NIPBL: variants seen among roughly 807,000 people sequenced by gnomAD.
NIPBL encodes the protein nipped-B-like protein.
A neutral mutation model predicts 321.8 loss-of-function variants in NIPBL; 19 were observed. The ratio of observed to expected loss-of-function variants is 0.06; its 90% confidence interval spans 0.04 to 0.09. NIPBL has a LOEUF of 0.09. Ranked by LOEUF, NIPBL falls within the 10% of genes least tolerant of loss-of-function variation. The pLI is 1.00. For missense variants in NIPBL, 2,210 were observed against 3,327.0 expected, an observed-to-expected ratio of 0.66 and a Z score of 8.26; for synonymous variants, 1,106 against 1,114.1, an observed-to-expected ratio of 0.99 and a Z score of 0.14.
chr5:37,048,369 A>G (rs535556646), intron 38 of NIPBL, 133 bp from the exon 39 acceptor site: 3 of 431,670 alleles, frequency 6.9e-6, no homozygotes, highest in African/African-American at 4.2e-5. Context: ...GGCCACCAGC[A>G]TATTCTTCCA....
chr5:37,015,877 G>A (rs1434134023), intron 22 of NIPBL, among the ~76,000 whole-genome samples, 161 bp from the exon 23 acceptor site: 1 of 152,080 alleles, frequency 6.6e-6, no homozygotes, highest in Non-Finnish European at 1.5e-5. Flanking sequence ...TTGTGAAATA[G>A]ACTCATTTTA....
intron 14 of NIPBL, among the ~76,000 whole-genome samples, chr5:37,001,870 G>A (rs567471851): frequency 6.6e-6 from 1 of 152,136 alleles, no homozygotes; most frequent in Non-Finnish European, 1.5e-5. Context: ...CCTTCAGCTG[G>A]TAAAGTAAGT....
intron 42 of NIPBL, among the ~76,000 whole-genome samples, chr5:37,053,157 G>GT (rs1240305626): frequency 6.6e-6 from 1 of 152,150 alleles, no homozygotes; most frequent in Admixed American, 6.5e-5. Context: ...TCTTTGTGGG[G>GT]TGAACATCTT....
chr5:36,883,272 C>A (rs1420044842), intron 1 of NIPBL, among the ~76,000 whole-genome samples: 2 of 151,816 alleles, frequency 1.3e-5, no homozygotes, highest in Non-Finnish European at 2.9e-5. Flanking sequence ...CATGCATATA[C>A]CAATTTCCTT....
intron 1 of NIPBL, among the ~76,000 whole-genome samples, chr5:36,949,936 A>G (rs940212680): frequency 1.3e-5 from 2 of 152,018 alleles, no homozygotes; most frequent in African/African-American, 4.8e-5. Flanking sequence ...ATTAGAATGG[A>G]CTAAATTGAT....
At chr5:36,966,138 T>C (rs1294233258) in intron 6 of NIPBL, among the ~76,000 whole-genome samples, 1 of 152,064 alleles carries the variant, frequency 6.6e-6, no homozygotes, top group Admixed American at 6.6e-5. Flanking sequence ...TAAATATATT[T>C]TTAATATCTT....
In NIPBL at chr5:36,902,434, A is replaced by G. The variant is rs187859768; in HGVS notation, c.-80+25256A>G. Among the ~76,000 whole-genome samples the G allele has an allele frequency of 3.4e-3, 512 of 152,244 alleles. 2 individuals carry two copies. Among genetic ancestry groups the G allele is most frequent in the African/African-American group, 0.012 (491 of 41,544 alleles). On this transcript the variant is annotated intron_variant, in intron 1 of 46. Coordinates refer to ENST00000282516, the MANE Select transcript of NIPBL (RefSeq NM_133433.4). Reference sequence around the variant, plus strand: ...TAATCCATCTTGGGTTGATTTTTGCATGTGGTGAAAGGAAGAGGTCCAGTT... The same window carrying G: ...TAATCCATCTTGGGTTGATTTTTGCGTGTGGTGAAAGGAAGAGGTCCAGTT...
At chr5:37,026,462 A>G (rs1561178992) in intron 31 of NIPBL, 135 bp downstream of exon 31, 7 of 687,814 alleles carry the variant, frequency 1.0e-5, no homozygotes, top group South Asian at 6.2e-5. Context: ...TTTACTTTAT[A>G]TTTCTGGAGA....
At chr5:36,972,269 A>G (rs1328342797) in intron 8 of NIPBL, among the ~76,000 whole-genome samples, 1 of 152,018 alleles carries the variant, frequency 6.6e-6, no homozygotes, top group Admixed American at 6.6e-5. Context: ...GTATTCTCGG[A>G]TACATCCAGT....
At chr5:36,912,174 T>C (rs983548852) in intron 1 of NIPBL, among the ~76,000 whole-genome samples, 3 of 152,088 alleles carry the variant, frequency 2.0e-5, no homozygotes, top group African/African-American at 7.2e-5. Context: ...ATTTAAGAAA[T>C]ACAGATAAAA....
chr5:36,923,062 G>A (rs1348166980), intron 1 of NIPBL, among the ~76,000 whole-genome samples: 2 of 152,152 alleles, frequency 1.3e-5, no homozygotes, highest in Non-Finnish European at 2.9e-5. Context: ...GCCGAGGCGG[G>A]CGGATCACGA....
intron 10 of NIPBL, among the ~76,000 whole-genome samples, chr5:36,992,259 A>G (rs907673601): frequency 2.0e-5 from 3 of 152,232 alleles, no homozygotes; most frequent in African/African-American, 7.2e-5. Flanking sequence ...AAAAGAAATT[A>G]GGTGAGAGAT....
chr5:36,957,348 C>CTG (rs1741080191), intron 3 of NIPBL, among the ~76,000 whole-genome samples: 1 of 152,182 alleles, frequency 6.6e-6, no homozygotes, highest in Non-Finnish European at 1.5e-5. Context: ...TTGTCTTAAT[C>CTG]AGTGTGGCAA....
intron 1 of NIPBL, among the ~76,000 whole-genome samples, chr5:36,915,497 C>T (rs1391937250): frequency 6.6e-6 from 1 of 152,038 alleles, no homozygotes; most frequent in African/African-American, 2.4e-5. Flanking sequence ...CAGGTCAGTA[C>T]AGATTCAACA....
chr5:37,033,732 T>TATA (rs1751384242), intron 32 of NIPBL, among the ~76,000 whole-genome samples: 1 of 76,930 alleles, frequency 1.3e-5, no homozygotes, highest in African/African-American at 6.5e-5. Context: ...ATATATATAT[T>TATA]TTTTTTTTTT....
intron 17 of NIPBL, 126 bp downstream of exon 17, chr5:37,006,714 G>T (rs551747079): frequency 9.4e-6 from 6 of 638,860 alleles, no homozygotes; most frequent in South Asian, 1.9e-5. Flanking sequence ...TTTGATTATG[G>T]ATTTGACTAG....
At chr5:37,008,280 G>C (rs986336398) in intron 19 of NIPBL, among the ~76,000 whole-genome samples, 192 bp downstream of exon 19, 1 of 151,810 alleles carries the variant, frequency 6.6e-6, no homozygotes, top group Non-Finnish European at 1.5e-5. Flanking sequence ...TTAATTTGTT[G>C]GGTTATTCTG....
chr5:37,013,126 G>C (rs1748394898), intron 21 of NIPBL, among the ~76,000 whole-genome samples: 1 of 150,100 alleles, frequency 6.7e-6, no homozygotes, highest in Non-Finnish European at 1.5e-5. Context: ...GCTGGGCAGA[G>C]GCGCCCCTCA....
chr5:37,058,066 G>GAC (rs1282506025), intron 43 of NIPBL, among the ~76,000 whole-genome samples: 1 of 152,114 alleles, frequency 6.6e-6, no homozygotes, highest in African/African-American at 2.4e-5. Context: ...AATTACAGAG[G>GAC]TGTCTTAAAC....
Sources: allele counts gnomAD v4.1 joint callset (sites outside exome capture counted in the v4.1 genomes callset), GRCh38; gene constraint gnomAD v4.1.1; transcripts MANE v1.5; gene names NCBI Gene and HGNC (gene_info 2026-07-23, HGNC 2026-07-21).